The following VEPH1 variants were observed in gnomAD, a reference collection of about 807,000 sequenced individuals.
VEPH1 encodes ventricular zone-expressed PH domain-containing protein homolog 1.
Under a neutral mutation model 85.2 loss-of-function variants are expected in VEPH1, and 80 were observed. The ratio of observed to expected loss-of-function variants is 0.94; its 90% CI spans 0.78 to 1.13. VEPH1 has a LOEUF of 1.13. Ranked by LOEUF, VEPH1 falls within the 50% of genes most tolerant of loss-of-function variation. VEPH1 has a pLI of 0.00. For synonymous variants in VEPH1, 297 were observed against 348.0 expected (o/e 0.85, Z 1.63); for missense variants, 955 against 980.5 (o/e 0.97, Z 0.35).
At chr3:157,306,454 A>G (rs1719519387) in intron 11 of VEPH1, among the ~76,000 whole-genome samples, 1 of 152,092 alleles carries the variant, frequency 6.6e-6, no homozygotes, top group African/African-American at 2.4e-5. Flanking sequence ...TCAATATCAT[A>G]TTTTCAAGAT....
Position 157,329,843 on chromosome 3 carries a change from C to T in VEPH1, c.1736-12642G>A, listed in dbSNP as rs142897691. 1.8e-4 allele frequency among the ~76,000 whole-genome samples: 27 copies of T among 152,250 alleles called. No homozygotes were observed. In the East Asian group the frequency reaches 5.2e-3, roughly 29 times the overall value. ...TAAAAATTTAATAGAGTTGAATTAC[C>T]TCTGCCTCAACTGACTATTTCCCAG... On this transcript the variant is annotated intron_variant, in intron 9 of 13. Coordinates refer to ENST00000362010, the MANE Select transcript of VEPH1 (RefSeq NM_001167912.2).
intron 2 of VEPH1, among the ~76,000 whole-genome samples, chr3:157,494,962 C>A (rs1739540795): frequency 6.6e-6 from 1 of 152,112 alleles, no homozygotes; most frequent in Non-Finnish European, 1.5e-5. Context: ...GAATTCCATG[C>A]TGCTCTGCAA....
chr3:157,296,817 AG>A (rs1718197127), intron 11 of VEPH1, among the ~76,000 whole-genome samples: 1 of 152,248 alleles, frequency 6.6e-6, no homozygotes, highest in African/African-American at 2.4e-5. Context: ...ATTCACTGGC[AG>A]TTCTTGGGAA....
intron 7 of VEPH1, among the ~76,000 whole-genome samples, chr3:157,371,747 G>A (rs899373578): frequency 3.3e-5 from 5 of 152,230 alleles, no homozygotes; most frequent in African/African-American, 1.2e-4. Flanking sequence ...GACTTAATCT[G>A]TGGATTATTT....
chr3:157,489,338 A>G (rs1163873353), intron 2 of VEPH1: 2 of 373,052 alleles, frequency 5.4e-6, no homozygotes, highest in African/African-American at 2.1e-5. Context: ...CTACAACCTC[A>G]GGACTTTTGT....
intron 1 of VEPH1, chr3:157,499,761 G>A (rs563722955): frequency 6.6e-6 from 1 of 152,344 alleles, no homozygotes. Context: ...AGGGAAGAAT[G>A]GGGGGCGGGG....
chr3:157,470,926 T>C lies in VEPH1; in HGVS notation c.139-397A>G, dbSNP rs76946145. 8.4e-3 allele frequency among the ~76,000 whole-genome samples: 1,287 copies of C among 152,314 alleles called. 15 individuals are homozygous for C. Among genetic ancestry groups the C allele is most frequent in the African/African-American group, 0.029 (1,209 of 41,558 alleles). On this transcript the variant is annotated intron_variant, in intron 2 of 13. Transcript: ENST00000362010. Reference sequence around the variant, plus strand: ...CAAATTACCCTTCAATTTCCCCTCATTAGTTTTCTCCCTCTTTCTGGACAT... The same window carrying C: ...CAAATTACCCTTCAATTTCCCCTCACTAGTTTTCTCCCTCTTTCTGGACAT...
intron 6 of VEPH1, among the ~76,000 whole-genome samples, chr3:157,399,699 T>G (rs1489409614): frequency 6.6e-6 from 1 of 152,120 alleles, no homozygotes; most frequent in East Asian, 1.9e-4. Flanking sequence ...TAGCATAAAA[T>G]ACATGTAAAA....
chr3:157,323,856 G>T (rs141460845), intron 9 of VEPH1, among the ~76,000 whole-genome samples: 1 of 152,060 alleles, frequency 6.6e-6, no homozygotes, highest in East Asian at 1.9e-4. Flanking sequence ...CATAAGAAAA[G>T]GTCTGTAAAG....
At chr3:157,357,708 G>A (rs958528914) in intron 9 of VEPH1, among the ~76,000 whole-genome samples, 7 of 152,144 alleles carry the variant, frequency 4.6e-5, no homozygotes, top group South Asian at 2.1e-4. Flanking sequence ...GGCCAGGCTA[G>A]TCTCGAACTC....
At chr3:157,496,421 C>T (rs1739669539) in intron 1 of VEPH1, among the ~76,000 whole-genome samples, 1 of 152,158 alleles carries the variant, frequency 6.6e-6, no homozygotes, top group Non-Finnish European at 1.5e-5. Context: ...GCCCCAAGGC[C>T]CCATAATAGC....
intron 12 of VEPH1, among the ~76,000 whole-genome samples, chr3:157,272,213 GTTT>G (rs1350120158): frequency 6.8e-6 from 1 of 146,076 alleles, no homozygotes; most frequent in African/African-American, 2.5e-5. Context: ...CTCTAGTAAA[GTTT>G]TCCTGGGTGT....
chr3:157,483,480 T>C (rs530686390), intron 2 of VEPH1, among the ~76,000 whole-genome samples: 71 of 152,306 alleles, frequency 4.7e-4, no homozygotes, highest in African/African-American at 1.5e-3. Context: ...ATTATTGACC[T>C]CAAATTACAA....
chr3:157,478,780 C>T (rs879328185), intron 2 of VEPH1, among the ~76,000 whole-genome samples: 18 of 152,076 alleles, frequency 1.2e-4, no homozygotes, highest in South Asian at 2.1e-4. Flanking sequence ...ATAACTGCAG[C>T]GAATATAGTA....
intron 12 of VEPH1, among the ~76,000 whole-genome samples, chr3:157,268,774 G>A (rs567447426): frequency 1.3e-5 from 2 of 152,190 alleles, no homozygotes; most frequent in African/African-American, 4.8e-5. Flanking sequence ...CTAAGACAGG[G>A]TGTCACTCTG....
At chr3:157,479,987 C>T (rs1267838010) in intron 2 of VEPH1, among the ~76,000 whole-genome samples, 1 of 151,774 alleles carries the variant, frequency 6.6e-6, no homozygotes, top group Non-Finnish European at 1.5e-5. Flanking sequence ...TTTTTCTTTT[C>T]ACTTTCTCTC....
At position 157,495,211 on chromosome 3, in the gene VEPH1, C is replaced by A; in HGVS notation, c.138+1G>T. 1 of 1,613,682 alleles carries A rather than the reference C, an allele frequency of 6.2e-7. No individual in the cohort carries two copies. Among genetic ancestry groups the A allele is most frequent in the Non-Finnish European group, 8.5e-7 (1 of 1,179,738 alleles). The stretch of plus-strand genomic sequence containing the variant: ...TGTAGTCTATAAACCAGTTTACTTA[C>A]TGAAGATGAGCTAATTATCTTAATT... On this transcript the variant is annotated splice_donor_variant, in intron 2 of 13. Transcript: ENST00000362010. LOFTEE classifies it high-confidence loss of function.
chr3:157,486,330 T>C (rs897026845), intron 2 of VEPH1, among the ~76,000 whole-genome samples: 4 of 152,028 alleles, frequency 2.6e-5, no homozygotes, highest in Admixed American at 6.6e-5. Context: ...ACCCCGTCTA[T>C]ACTGAAAATA....
chr3:157,313,874 A>G lies in VEPH1; in HGVS notation c.1876-119T>C, dbSNP rs1200921325. On this transcript the variant is annotated intron_variant, in intron 10 of 13. Transcript: ENST00000362010. ...GAACTTTAACATGATTTAATTTTAA[A>G]TGAAACAAGAAAAAGATCTGTCTTA... 3.2e-6 allele frequency: 4 copies of G among 1,245,704 alleles called. No homozygotes were observed. The African/African-American group carries it at 4.5e-5, about 14-fold the overall frequency. 77.2% of individuals were successfully genotyped at this position (1,245,704 alleles called of 1,614,324 possible). A position where few individuals can be genotyped will look rare whatever the true frequency, so the allele number is the denominator to read the frequency against.
Sources: gnomAD v4.1 joint callset for allele counts (sites outside exome capture counted in the v4.1 genomes callset) on GRCh38, gnomAD v4.1.1 for gene constraint, MANE v1.5 for transcripts, NCBI Gene and HGNC (gene_info 2026-07-23, HGNC 2026-07-21) for gene names.